The following MAPKAP1 variants were observed in gnomAD, a reference collection of about 807,000 sequenced individuals.
MAPKAP1 encodes MAPK associated protein 1, also known as target of rapamycin complex 2 subunit MAPKAP1.
MAPKAP1 carries 20 observed loss-of-function variants against 65.7 expected under a neutral mutation model. That is an observed-to-expected ratio of 0.30 (90% CI 0.21 to 0.44). MAPKAP1 has a LOEUF of 0.44. Ranked by LOEUF, MAPKAP1 falls within the 20% of genes least tolerant of loss-of-function variation. MAPKAP1 has a pLI of 1.00. For synonymous variants in MAPKAP1, 222 were observed against 244.3 expected, an observed-to-expected ratio of 0.91 and a Z score of 0.85; for missense variants, 423 against 648.0, an observed-to-expected ratio of 0.65 and a Z score of 3.77.
chr9:125,452,041 C>T (rs933011172), intron 10 of MAPKAP1, among the ~76,000 whole-genome samples: 34 of 151,816 alleles, frequency 2.2e-4, no homozygotes, highest in African/African-American at 8.0e-4. Context: ...AACTCCTGAC[C>T]TTGGGTGATC....
intron 7 of MAPKAP1, chr9:125,521,827 C>A: frequency 1.3e-6 from 2 of 1,549,204 alleles, no homozygotes; most frequent in Middle Eastern, 1.7e-4. Flanking sequence ...CTTCTCTGAG[C>A]TACATGAAAG....
chr9:125,559,618 A>G lies in MAPKAP1; in HGVS notation c.848+15T>C. The G allele has an allele frequency of 6.2e-7, 1 of 1,600,822 alleles. No individual in the cohort carries two copies. Among genetic ancestry groups the G allele is most frequent in the South Asian group, 1.1e-5 (1 of 90,050 alleles). On this transcript the variant is annotated intron_variant, in intron 6 of 11. Transcript: ENST00000265960. ...GGGATGAGATACCGAGAGAAGTAAT[A>G]GAGTCAGTACTCACATTCGAACAAA...
At chr9:125,699,916 A>G (rs1835545118) in intron 1 of MAPKAP1, among the ~76,000 whole-genome samples, 1 of 152,218 alleles carries the variant, frequency 6.6e-6, no homozygotes, top group South Asian at 2.1e-4. Flanking sequence ...AATCTGGCCC[A>G]GATTTTGAAT....
intron 4 of MAPKAP1, among the ~76,000 whole-genome samples, chr9:125,608,723 GCA>G (rs1482437785): frequency 6.6e-6 from 1 of 152,132 alleles, no homozygotes; most frequent in Non-Finnish European, 1.5e-5. Context: ...TCCAACAATT[GCA>G]CAGAGACTCT....
chr9:125,582,488 C>T (rs1383239630), intron 5 of MAPKAP1, among the ~76,000 whole-genome samples: 1 of 152,166 alleles, frequency 6.6e-6, no homozygotes, highest in African/African-American at 2.4e-5. Flanking sequence ...AGTGCTTTTA[C>T]AGATATTGCC....
At chr9:125,568,060 C>T (rs1360461555) in intron 5 of MAPKAP1, 1 of 152,172 alleles carries the variant, frequency 6.6e-6, no homozygotes, top group Non-Finnish European at 1.5e-5. Context: ...AGAGGCCCAA[C>T]TTAGGGGAGT....
intron 10 of MAPKAP1, among the ~76,000 whole-genome samples, chr9:125,459,198 C>T (rs576910112): frequency 6.8e-6 from 1 of 147,416 alleles, no homozygotes; most frequent in South Asian, 2.2e-4. Context: ...CAGAGGCGCT[C>T]CCCACATCTC....
At chr9:125,466,581 T>C (rs972636512) in intron 10 of MAPKAP1, among the ~76,000 whole-genome samples, 1 of 152,228 alleles carries the variant, frequency 6.6e-6, no homozygotes, top group Admixed American at 6.5e-5. Context: ...GACATCTTTA[T>C]TGGCCGACAA....
chr9:125,570,248 AG>A (rs1238601067), intron 5 of MAPKAP1, among the ~76,000 whole-genome samples: 1 of 152,266 alleles, frequency 6.6e-6, no homozygotes, highest in East Asian at 1.9e-4. Context: ...AGGGCAAGTT[AG>A]AAAGTCCAAG....
chr9:125,694,845 AT>A lies in MAPKAP1; in HGVS notation c.-70+12125del, dbSNP rs11339614. Reference sequence around the variant, plus strand: ...GACTCAATATATTTGTTCTGAAGTTATTAACCAAGCTTCAGTTTCTTAAATA... The same window carrying A: ...GACTCAATATATTTGTTCTGAAGTTATAACCAAGCTTCAGTTTCTTAAATA... On this transcript the variant is annotated intron_variant, in intron 1 of 11. Transcript: ENST00000265960. Among the ~76,000 whole-genome samples the A allele has an allele frequency of 6.1e-3, 935 of 152,352 alleles. 17 individuals carry two copies. Among genetic ancestry groups the A allele is most frequent in the African/African-American group, 0.022 (899 of 41,576 alleles).
intron 8 of MAPKAP1, among the ~76,000 whole-genome samples, chr9:125,491,331 C>A (rs1204521646): frequency 6.6e-6 from 1 of 151,946 alleles, no homozygotes; most frequent in Non-Finnish European, 1.5e-5. Context: ...GTACTCCCAG[C>A]TACTGAGGAT....
intron 5 of MAPKAP1, chr9:125,573,102 G>C (rs1233626260): frequency 1.7e-4 from 2 of 11,844 alleles, no homozygotes; most frequent in East Asian, 7.9e-3. Context: ...ATAAAAGGGG[G>C]GGGGGGGGGG....
chr9:125,590,953 T>C (rs1831941625), intron 4 of MAPKAP1, among the ~76,000 whole-genome samples: 1 of 152,164 alleles, frequency 6.6e-6, no homozygotes, highest in South Asian at 2.1e-4. Context: ...TCTGTGTTTT[T>C]AGTAGAGACA....
At chr9:125,470,241 C>T (rs1016226757) in intron 9 of MAPKAP1, among the ~76,000 whole-genome samples, 2 of 152,142 alleles carry the variant, frequency 1.3e-5, no homozygotes, top group Non-Finnish European at 2.9e-5. Flanking sequence ...ATGATAGTGA[C>T]ATGAATTAAA....
intron 8 of MAPKAP1, among the ~76,000 whole-genome samples, chr9:125,502,842 A>T (rs975504486): frequency 3.3e-5 from 5 of 152,204 alleles, no homozygotes; most frequent in South Asian, 2.1e-4. Flanking sequence ...ATACATTTTT[A>T]AAAAATGTAT....
At chr9:125,529,619 T>C (rs188234364) in intron 7 of MAPKAP1, among the ~76,000 whole-genome samples, 6 of 152,256 alleles carry the variant, frequency 3.9e-5, no homozygotes, top group African/African-American at 1.4e-4. Flanking sequence ...GATTGAGGAG[T>C]TCCAATAGAC....
At chr9:125,610,753 C>T (rs1394742066) in intron 4 of MAPKAP1, among the ~76,000 whole-genome samples, 2 of 152,118 alleles carry the variant, frequency 1.3e-5, no homozygotes, top group Admixed American at 6.5e-5. Flanking sequence ...TTTGATGGAC[C>T]AGAAAGATTT....
chr9:125,624,453 C>T (rs1833027508), intron 4 of MAPKAP1, among the ~76,000 whole-genome samples: 1 of 116,902 alleles, frequency 8.6e-6, no homozygotes, highest in African/African-American at 3.1e-5. Context: ...AGCCCCCACG[C>T]CCGGCCAGCC....
chr9:125,531,952 A>G (rs1386321421), intron 7 of MAPKAP1, among the ~76,000 whole-genome samples: 9 of 152,262 alleles, frequency 5.9e-5, no homozygotes, highest in Non-Finnish European at 2.9e-5. Context: ...TTGTACAAAT[A>G]CAATTTGACA....
Sources: allele counts gnomAD v4.1 joint callset (sites outside exome capture counted in the v4.1 genomes callset), GRCh38; gene constraint gnomAD v4.1.1; transcripts MANE v1.5; gene names NCBI Gene and HGNC (gene_info 2026-07-23, HGNC 2026-07-21).